Variants in CHLSN observed in about 807,000 individuals in gnomAD.
The protein encoded by CHLSN is cholesin, also known as protein cholesin.
At chr7:1,070,670 C>G in the CHLSN span, among the ~76,000 whole-genome samples, 2 of 149,194 alleles carry the variant, frequency 1.3e-5, no homozygotes, top group African/African-American at 2.5e-5. Context: ...CACGCACATA[C>G]GCACACGTGC....
At chr7:1,076,355 A>C in the CHLSN span, 1 of 154,542 alleles carries the variant, frequency 6.5e-6, no homozygotes, top group African/African-American at 2.4e-5. Context: ...GCACCACCAG[A>C]TAGGCTGCAA....
the CHLSN span, among the ~76,000 whole-genome samples, chr7:1,010,880 G>T: frequency 4.3e-4 from 66 of 152,184 alleles, no homozygotes; most frequent in African/African-American, 1.6e-3. Context: ...CAGAACATCA[G>T]TGTAGACTCC....
At chr7:1,087,706 A>G in the CHLSN span, among the ~76,000 whole-genome samples, 1 of 152,242 alleles carries the variant, frequency 6.6e-6, no homozygotes, top group African/African-American at 2.4e-5. Context: ...TCTCTCTGCA[A>G]ATGTCTGTGA....
At chr7:1,090,266 C>T in the CHLSN span, among the ~76,000 whole-genome samples, 1 of 152,236 alleles carries the variant, frequency 6.6e-6, no homozygotes, top group Non-Finnish European at 1.5e-5. Context: ...AGCCCTGGCC[C>T]CACCAGCACC....
the CHLSN span, chr7:1,028,317 C>G: frequency 9.6e-7 from 1 of 1,037,472 alleles, no homozygotes; most frequent in Non-Finnish European, 1.2e-6. Context: ...GATGCGCCCG[C>G]AGTGCGCACC....
At chr7:1,016,732 CACACGCCAGCGCACAGCA>C in the CHLSN span, among the ~76,000 whole-genome samples, 1 of 129,948 alleles carries the variant, frequency 7.7e-6, no homozygotes, top group Non-Finnish European at 1.6e-5. Context: ...CACACAGCAG[CACACGCCAGCGCACAGCA>C]GCACACGCCA....
the CHLSN span, among the ~76,000 whole-genome samples, chr7:1,075,234 C>A: frequency 3.9e-5 from 6 of 152,154 alleles, no homozygotes; most frequent in Non-Finnish European, 8.8e-5. Context: ...CCATTTTAGG[C>A]CAGGGGCGGT....
chr7:1,090,995 C>G, the CHLSN span, among the ~76,000 whole-genome samples: 1 of 152,204 alleles, frequency 6.6e-6, no homozygotes, highest in African/African-American at 2.4e-5. Flanking sequence ...GAAACACTGG[C>G]TTTCCCTTCC....
the CHLSN span, among the ~76,000 whole-genome samples, chr7:1,020,656 C>A: frequency 6.6e-6 from 1 of 152,198 alleles, no homozygotes; most frequent in African/African-American, 2.4e-5. Flanking sequence ...CCTTACCGAA[C>A]CCACCTCCCG....
chr7:1,115,283 G>C, the CHLSN span, among the ~76,000 whole-genome samples: 10 of 152,250 alleles, frequency 6.6e-5, no homozygotes, highest in Non-Finnish European at 1.5e-4. Flanking sequence ...GGCATTCACT[G>C]AGATGAGAAA....
chr7:1,107,341 C>CA, the CHLSN span, among the ~76,000 whole-genome samples: 2 of 151,772 alleles, frequency 1.3e-5, no homozygotes, highest in Admixed American at 6.6e-5. Flanking sequence ...GTCCCATCTG[C>CA]AAAAAAGAGA....
chr7:1,034,955 G>GTC, the CHLSN span, among the ~76,000 whole-genome samples: 33 of 152,220 alleles, frequency 2.2e-4, no homozygotes, highest in African/African-American at 7.0e-4. Flanking sequence ...CTCCATCCAT[G>GTC]TTCCCAGAAG....
chr7:991,448 G>A, the CHLSN span, among the ~76,000 whole-genome samples: 15 of 147,952 alleles, frequency 1.0e-4, no homozygotes, highest in African/African-American at 3.5e-4. Flanking sequence ...TTTAACTCAT[G>A]CCCATGGGCG....
the CHLSN span, among the ~76,000 whole-genome samples, chr7:1,072,889 G>A: frequency 6.6e-6 from 1 of 151,972 alleles, no homozygotes; most frequent in South Asian, 2.1e-4. Flanking sequence ...TCACCATGTT[G>A]GCCAGGCTGG....
the CHLSN span, among the ~76,000 whole-genome samples, chr7:1,089,487 T>TGAGGCTCGAGTGCAGTGGTGTGATCTC: frequency 8.2e-5 from 2 of 24,378 alleles, no homozygotes; most frequent in African/African-American, 3.2e-4. Flanking sequence ...GGTGTGATCT[T>TGAGGCTCGAGTGCAGTGGTGTGATCTC]GGCTCACTGC....
chr7:980,175 C>T, the CHLSN span, among the ~76,000 whole-genome samples: 2 of 152,236 alleles, frequency 1.3e-5, no homozygotes, highest in Non-Finnish European at 2.9e-5. Context: ...AGTTTGGAAC[C>T]AGGTCTGTCT....
the CHLSN span, among the ~76,000 whole-genome samples, chr7:1,016,673 ACACGCCAGGG>A: frequency 6.0e-5 from 4 of 67,100 alleles, no homozygotes; most frequent in East Asian, 3.3e-4. Flanking sequence ...GCACAGCAGC[ACACGCCAGGG>A]CACAGCAGCG....
the CHLSN span, among the ~76,000 whole-genome samples, chr7:1,016,782 A>ACAGCACACAG: frequency 1.6e-5 from 1 of 63,538 alleles, no homozygotes; most frequent in Admixed American, 1.7e-4. Context: ...ACAGCAGCGC[A>ACAGCACACAG]CAGCACACAG....
At chr7:1,011,461 CCA>C in the CHLSN span, among the ~76,000 whole-genome samples, 19 of 144,498 alleles carry the variant, frequency 1.3e-4, 1 homozygote, top group African/African-American at 2.7e-5. Context: ...CCACAGACAC[CCA>C]GACACACCCA....
Sources: allele counts gnomAD v4.1 joint callset (sites outside exome capture counted in the v4.1 genomes callset), GRCh38; gene constraint gnomAD v4.1.1; transcripts MANE v1.5; gene names NCBI Gene and HGNC (gene_info 2026-07-23, HGNC 2026-07-21).